DTHD1: variants seen among roughly 807,000 people sequenced by gnomAD.
The protein encoded by DTHD1 is death domain containing 1.
Under a neutral mutation model 74.8 loss-of-function variants are expected in DTHD1, and 59 were observed. The observed-to-expected ratio is 0.79, with a 90% CI of 0.64 to 0.98. DTHD1 has a LOEUF of 0.98. DTHD1 is among the 50% of genes least tolerant of loss of function. DTHD1 has a pLI of 0.00. For synonymous variants in DTHD1, 365 were observed against 371.1 expected (o/e 0.98, Z 0.19); for missense variants, 1,051 against 1,065.4 (o/e 0.99, Z 0.19).
chr4:36,306,022 A>T (rs552633346), intron 5 of DTHD1, among the ~76,000 whole-genome samples, 169 bp from the exon 6 acceptor site: 126 of 152,302 alleles, frequency 8.3e-4, no homozygotes, highest in African/African-American at 2.7e-3. Context: ...CTTTAGGGCA[A>T]GGGTTATATA....
At chr4:36,332,618 G>T (rs1758763770) in intron 8 of DTHD1, 1 of 152,058 alleles carries the variant, frequency 6.6e-6, no homozygotes, top group African/African-American at 2.4e-5. Flanking sequence ...CCACCCCAAA[G>T]CTCCCTGAAA....
intron 5 of DTHD1, among the ~76,000 whole-genome samples, chr4:36,299,215 T>C (rs982045612): frequency 7.2e-5 from 11 of 152,214 alleles, no homozygotes; most frequent in Non-Finnish European, 1.6e-4. Context: ...GGCAGCACTC[T>C]ATAGGTTAAA....
chr4:36,290,917 G>A (rs997210729), intron 3 of DTHD1, among the ~76,000 whole-genome samples: 49 of 152,102 alleles, frequency 3.2e-4, no homozygotes, highest in African/African-American at 1.1e-3. Context: ...AGCTTGGGTC[G>A]AACACCTACC....
intron 8 of DTHD1, among the ~76,000 whole-genome samples, chr4:36,317,340 GTGT>G (rs1757792977): frequency 6.6e-6 from 1 of 152,192 alleles, no homozygotes; most frequent in African/African-American, 2.4e-5. Flanking sequence ...CCCTAAAGCT[GTGT>G]TGTTCTGAAT....
At chr4:36,315,452 A>G (rs1208171807) in intron 7 of DTHD1, 2 of 152,216 alleles carry the variant, frequency 1.3e-5, no homozygotes, top group African/African-American at 2.4e-5. Flanking sequence ...CATTATGCCT[A>G]TGCTGTCATT....
At chr4:36,288,761 A>G (rs1755873888) in intron 2 of DTHD1, among the ~76,000 whole-genome samples, 1 of 152,216 alleles carries the variant, frequency 6.6e-6, no homozygotes, top group Non-Finnish European at 1.5e-5. Flanking sequence ...GAACCATTTA[A>G]AAGTCACCTT....
intron 8 of DTHD1, among the ~76,000 whole-genome samples, chr4:36,337,348 T>A (rs964658283): frequency 1.3e-5 from 2 of 152,120 alleles, no homozygotes; most frequent in East Asian, 3.8e-4. Context: ...TGAATTGCAA[T>A]TTCATGTGCA....
chr4:36,307,440 C>T (rs1414143028), intron 6 of DTHD1, among the ~76,000 whole-genome samples: 1 of 152,158 alleles, frequency 6.6e-6, no homozygotes, highest in African/African-American at 2.4e-5. Context: ...TTTATGACAT[C>T]AGTCATACTG....
At chr4:36,294,717 A>G (rs777500404) in intron 4 of DTHD1, 78 bp from the exon 5 acceptor site, 607 of 1,383,548 alleles carry the variant, frequency 4.4e-4, no homozygotes, top group Non-Finnish European at 5.3e-4. Flanking sequence ...TAGAATTTTC[A>G]AAAAACTGGA....
chr4:36,310,580 C>T (rs10007998), intron 7 of DTHD1, among the ~76,000 whole-genome samples: 75,754 of 151,994 alleles, frequency 0.5, 22,079 homozygotes, highest in African/African-American at 0.82. Flanking sequence ...GCTCCGTTTA[C>T]TTATAAATTA....
rs555041609 is a variant in DTHD1 at position 36,316,246 on chromosome 4, C to A, written c.2100C>A (p.Asn700Lys). 1 of 1,548,876 alleles carries A rather than the reference C, an allele frequency of 6.5e-7. No individual in the cohort carries two copies. Residue 700 changes from asparagine to lysine, a missense_variant, in exon 8 of 10, where the codon AAC becomes AAA. Transcript: ENST00000639862. ...ATACATTTTACTTCTATTTAGGCAA[C>A]GGGAAGGATTATGGAAAAGACTACA... ...RFTGNIFASS[N>K]GKDYGKDYTL...
chr4:36,339,107 A>C lies in DTHD1; in HGVS notation c.2341-5A>C. On this transcript the variant is annotated splice_polypyrimidine_tract_variant and splice_region_variant and intron_variant, in intron 8 of 9. Transcript: ENST00000639862. The stretch of plus-strand genomic sequence containing the variant: ...TGTTTATTTTGTGTTCCTTTCCCCC[A>C]ATAGCATAAGAAATTAATCAACCGT... The C allele has an allele frequency of 6.5e-7, 1 of 1,545,902 alleles. No individual in the cohort carries two copies. Among genetic ancestry groups the C allele is most frequent in the Non-Finnish European group, 8.7e-7 (1 of 1,142,958 alleles).
intron 1 of DTHD1, 117 bp from the exon 2 acceptor site, chr4:36,283,859 A>T: frequency 2.7e-6 from 2 of 728,206 alleles, no homozygotes. Context: ...AATGCACAGT[A>T]AAGGTCTTTG....
chr4:36,328,654 A>G (rs1758494377), intron 8 of DTHD1, among the ~76,000 whole-genome samples: 1 of 152,226 alleles, frequency 6.6e-6, no homozygotes, highest in Admixed American at 6.5e-5. Flanking sequence ...AGTATTTTAA[A>G]GCAAATCACA....
At chr4:36,339,011 A>G (rs1759164835) in intron 8 of DTHD1, 101 bp from the exon 9 acceptor site, 1 of 921,470 alleles carries the variant, frequency 1.1e-6, no homozygotes, top group Non-Finnish European at 1.7e-6. Context: ...GCAATTCAGT[A>G]CTTCTTCGAA....
intron 2 of DTHD1, among the ~76,000 whole-genome samples, chr4:36,288,615 G>A (rs189913865): frequency 3.3e-4 from 51 of 152,284 alleles, no homozygotes; most frequent in African/African-American, 8.7e-4. Context: ...TCAGTTGGCT[G>A]TAAGTATTTG....
At chr4:36,324,175 T>C (rs1057478204) in intron 8 of DTHD1, among the ~76,000 whole-genome samples, 2 of 151,966 alleles carry the variant, frequency 1.3e-5, no homozygotes, top group East Asian at 1.9e-4. Flanking sequence ...TTCCCTTTTC[T>C]TTTTCCTTTC....
rs1755420521 is a variant in DTHD1 at position 36,281,918 on chromosome 4, C to T, written c.160C>T (p.Leu54Phe). 7.6e-7 allele frequency: 1 copy of T among 1,321,322 alleles called. No homozygotes were observed. The allele number at this position is 1,321,322 out of a possible 1,614,324, so 81.8% of individuals were successfully genotyped here. The change falls in exon 1 of 10, where the codon CTC becomes TTC. Residue 54 changes from leucine to phenylalanine, a missense_variant. Coordinates refer to ENST00000639862, the MANE Select transcript of DTHD1 (RefSeq NM_001170700.3). ...CACTGTGGTCTTTCTGGGTCAGGAA[C>T]TCAGCAGTGCCCTTCACCAGCTGCT... The part of the protein sequence containing the change: ...MATVVFLGQE[L>F]SSALHQLLEH...
intron 9 of DTHD1, 114 bp from the exon 10 acceptor site, chr4:36,343,388 T>C (rs190865783): frequency 2.3e-4 from 233 of 1,029,560 alleles, no homozygotes; most frequent in African/African-American, 1.6e-5. Context: ...TCTGCACTGC[T>C]CCAAGGCCAA....
Sources: allele counts gnomAD v4.1 joint callset (sites outside exome capture counted in the v4.1 genomes callset), GRCh38; gene constraint gnomAD v4.1.1; transcripts MANE v1.5; gene names NCBI Gene and HGNC (gene_info 2026-07-23, HGNC 2026-07-21).